ABCA13: variants seen among roughly 807,000 people sequenced by gnomAD.
ABCA13 encodes ATP binding cassette subfamily A member 13.
ABCA13 carries 476 observed loss-of-function variants against 478.7 expected under a neutral mutation model. That is an observed-to-expected ratio of 0.99 (90% CI 0.92 to 1.07). The LOEUF is 1.07. Among genes scored for constraint, ABCA13 ranks in the 50% least tolerant of loss-of-function variants. The pLI is 0.00. For synonymous variants in ABCA13, 2,252 were observed against 2,158.9 expected, an observed-to-expected ratio of 1.04 and a Z score of -1.20; for missense variants, 6,060 against 5,910.6, an observed-to-expected ratio of 1.03 and a Z score of -0.83.
At chr7:48,627,428 T>C (rs544551326) in intron 59 of ABCA13, among the ~76,000 whole-genome samples, 2 of 152,294 alleles carry the variant, frequency 1.3e-5, no homozygotes, top group East Asian at 3.9e-4. Flanking sequence ...AAACAGACTA[T>C]CTTCTTTTAA....
At chr7:48,393,378 A>G (rs1418506505) in intron 38 of ABCA13, among the ~76,000 whole-genome samples, 1 of 152,292 alleles carries the variant, frequency 6.6e-6, no homozygotes, top group Admixed American at 6.5e-5. Context: ...CAATGGATGG[A>G]CTTTGCAAAG....
chr7:48,454,401 C>T (rs931542365), intron 42 of ABCA13, among the ~76,000 whole-genome samples: 2 of 152,218 alleles, frequency 1.3e-5, no homozygotes, highest in Non-Finnish European at 2.9e-5. Flanking sequence ...GCCGGATGAT[C>T]AGTAGATGAA....
rs532932130 is a variant in ABCA13, at chr7:48,529,631, T to G, written c.14354+1286T>G. On this transcript the variant is annotated intron_variant, in intron 55 of 61. Transcript: ENST00000435803. ...TAGCAATGAATATGGCAAATAAAAATCGATTAAACATTGTTTTGTGGATGT... is the reference window on the plus strand; with the variant it reads ...TAGCAATGAATATGGCAAATAAAAAGCGATTAAACATTGTTTTGTGGATGT... Among the ~76,000 whole-genome samples, 19 of 152,324 alleles carry G rather than the reference T, an allele frequency of 1.2e-4. No homozygotes were observed. In the East Asian group the frequency reaches 3.7e-3, roughly 29 times the overall value.
At chr7:48,638,808 C>G (rs1794890337) in intron 59 of ABCA13, among the ~76,000 whole-genome samples, 1 of 152,086 alleles carries the variant, frequency 6.6e-6, no homozygotes, top group Non-Finnish European at 1.5e-5. Context: ...CATTCTAGTC[C>G]ATGTACAGGT....
At chr7:48,174,490 TA>T (rs1484132728) in intron 1 of ABCA13, among the ~76,000 whole-genome samples, 1 of 152,056 alleles carries the variant, frequency 6.6e-6, no homozygotes, top group Non-Finnish European at 1.5e-5. Flanking sequence ...AACAAAAATT[TA>T]AAAAAATAGA....
At chr7:48,358,063 A>G (rs1563114424) in intron 31 of ABCA13, among the ~76,000 whole-genome samples, 1 of 150,784 alleles carries the variant, frequency 6.6e-6, no homozygotes. Flanking sequence ...AATTGCTTGA[A>G]CCCAGGAGGC....
At chr7:48,426,795 A>G (rs1821483886) in intron 41 of ABCA13, among the ~76,000 whole-genome samples, 1 of 152,158 alleles carries the variant, frequency 6.6e-6, no homozygotes, top group African/African-American at 2.4e-5. Flanking sequence ...TGAATAATAG[A>G]AGACTTACTG....
Position 48,249,103 on chromosome 7 carries a change from G to A in ABCA13, c.1866-109G>A. On this transcript the variant is annotated intron_variant, in intron 14 of 61. Coordinates refer to ENST00000435803, the MANE Select transcript of ABCA13 (RefSeq NM_152701.5). ...AAAGATTCTATTTCCTTACATAAGT[G>A]GACTGCCATGCATTTGCATATATTT... 5.7e-6 allele frequency: 5 copies of A among 882,686 alleles called. No individual in the cohort carries two copies. In the East Asian group the frequency reaches 1.3e-4, roughly 24 times the overall value. 54.7% of individuals were successfully genotyped at this position (882,686 alleles called of 1,614,324 possible). A position where few individuals can be genotyped will look rare whatever the true frequency, so the allele number is the denominator to read the frequency against.
rs1340852923 is a variant in ABCA13 at position 48,647,424 on chromosome 7, T to C, written c.*1912T>C. On this transcript the variant is annotated 3_prime_UTR_variant, in exon 62 of 62. Coordinates refer to ENST00000435803, the MANE Select transcript of ABCA13 (RefSeq NM_152701.5). ...AATCTTTTTATGATTGTTGAATCAA[T>C]AAATACCAATTTGTGAAACATGAAT... The C allele has an allele frequency of 6.6e-6, 1 of 152,232 alleles. No individual in the cohort carries two copies. The highest frequency in any genetic ancestry group is 1.5e-5 in the Non-Finnish European group (1 of 68,026). 9.4% of individuals were successfully genotyped at this position (152,232 alleles called of 1,614,324 possible).
intron 43 of ABCA13, among the ~76,000 whole-genome samples, chr7:48,458,925 T>G (rs1175968840): frequency 6.6e-6 from 1 of 152,176 alleles, no homozygotes; most frequent in African/African-American, 2.4e-5. Flanking sequence ...ACATTGACTT[T>G]ATAGACTGTG....
intron 27 of ABCA13, among the ~76,000 whole-genome samples, chr7:48,333,781 G>C (rs1041933806): frequency 6.6e-6 from 1 of 152,218 alleles, no homozygotes; most frequent in Non-Finnish European, 1.5e-5. Flanking sequence ...AGTTGGAGAA[G>C]AAGGGGACTT....
chr7:48,423,972 G>T (rs546072739), intron 41 of ABCA13, among the ~76,000 whole-genome samples: 1 of 152,156 alleles, frequency 6.6e-6, no homozygotes. Context: ...GGAAGGTGTA[G>T]GTCTTATTTG....
intron 6 of ABCA13, among the ~76,000 whole-genome samples, chr7:48,229,136 G>T (rs1788683991): frequency 6.6e-6 from 1 of 152,178 alleles, no homozygotes; most frequent in South Asian, 2.1e-4. Context: ...GCTTATGATT[G>T]TGTTGGTCTC....
intron 29 of ABCA13, among the ~76,000 whole-genome samples, chr7:48,339,761 A>G (rs1175704263): frequency 2.0e-5 from 3 of 152,194 alleles, no homozygotes; most frequent in Non-Finnish European, 4.4e-5. Flanking sequence ...GCCTGACGCT[A>G]GAGATTGAAG....
intron 3 of ABCA13, among the ~76,000 whole-genome samples, chr7:48,219,083 TA>T (rs1425004217): frequency 6.6e-6 from 1 of 152,222 alleles, no homozygotes; most frequent in African/African-American, 2.4e-5. Context: ...TAAATAAATT[TA>T]AAAAATGGCT....
At chr7:48,599,833 C>A (rs1428217581) in intron 58 of ABCA13, among the ~76,000 whole-genome samples, 1 of 152,136 alleles carries the variant, frequency 6.6e-6, no homozygotes, top group Non-Finnish European at 1.5e-5. Flanking sequence ...GTTTTTTACT[C>A]CAGGCTTAAC....
At position 48,279,516 on chromosome 7, in the gene ABCA13, C is replaced by CATAGAA; in HGVS notation, c.8324_8329dup (p.Ile2775_Glu2776dup). Reference sequence around the variant, plus strand: ...AGCATCCAAATAACCTTTTGAAAACCATAGAAACAGTTTTAGAGGCCTCCA... The same window carrying CATAGAA: ...AGCATCCAAATAACCTTTTGAAAACCATAGAAATAGAAACAGTTTTAGAGGCCTCCA... On this transcript the variant is annotated inframe_insertion, in exon 18 of 62. Transcript: ENST00000435803. 6.2e-7 allele frequency: 1 copy of CATAGAA among 1,613,250 alleles called. No homozygotes were observed. Among genetic ancestry groups the CATAGAA allele is most frequent in the Non-Finnish European group, 8.5e-7 (1 of 1,179,592 alleles).
chr7:48,505,891 T>C (rs1246525912), intron 48 of ABCA13, among the ~76,000 whole-genome samples: 3 of 152,144 alleles, frequency 2.0e-5, no homozygotes, highest in Non-Finnish European at 4.4e-5. Flanking sequence ...AAAACCAAAA[T>C]TGGTTCAGTG....
chr7:48,294,870 C>G (rs1208049888), intron 20 of ABCA13, among the ~76,000 whole-genome samples: 1 of 152,172 alleles, frequency 6.6e-6, no homozygotes, highest in East Asian at 1.9e-4. Context: ...ATGTTGCTGC[C>G]AGTGGCATAA....
Sources: gnomAD v4.1 joint callset for allele counts (sites outside exome capture counted in the v4.1 genomes callset) on GRCh38, gnomAD v4.1.1 for gene constraint, MANE v1.5 for transcripts, NCBI Gene and HGNC (gene_info 2026-07-23, HGNC 2026-07-21) for gene names.